Variants in WDPCP observed in about 807,000 individuals in gnomAD.
The protein encoded by WDPCP is WD repeat containing planar cell polarity effector, also known as WD repeat-containing and planar cell polarity effector protein fritz homolog.
In WDPCP, 71 loss-of-function variants were observed where a neutral mutation model predicts 93.1. The observed-to-expected ratio is 0.76, with a 90% confidence interval of 0.63 to 0.93. WDPCP has a LOEUF of 0.93. WDPCP is among the 40% of genes least tolerant of loss of function. The pLI is 0.00. For missense variants in WDPCP, 844 were observed against 887.4 expected (o/e 0.95, Z 0.62); for synonymous variants, 315 against 315.0 (o/e 1.00, Z 0.00).
In WDPCP at chr2:63,687,918, G is replaced by T. The variant is rs538525755; in HGVS notation, n.309-37080C>A. Among the ~76,000 whole-genome samples, 268 of 152,286 alleles carry T rather than the reference G, an allele frequency of 1.8e-3. 2 individuals are homozygous for T. Among genetic ancestry groups the T allele is most frequent in the African/African-American group, 6.0e-3 (249 of 41,556 alleles). ...TATTGCAGCACTATTCACAATAGCC[G>T]AGATTTTGGAAGCATCCCAAGTGTC... On this transcript the variant is annotated intron_variant and non_coding_transcript_variant, in intron 2 of 4. Transcript: ENST00000467687.
chr2:63,516,424 G>C (rs554965209), intron 1 of WDPCP, among the ~76,000 whole-genome samples: 6 of 152,122 alleles, frequency 3.9e-5, no homozygotes, highest in African/African-American at 1.2e-4. Flanking sequence ...TTAAAGTTCT[G>C]ACTACTTTGC....
chr2:63,178,555 C>G (rs1268316438), intron 14 of WDPCP, among the ~76,000 whole-genome samples: 1 of 151,822 alleles, frequency 6.6e-6, no homozygotes, highest in Non-Finnish European at 1.5e-5. Context: ...TGTAATATCC[C>G]CTCTTTCACT....
At chr2:63,788,282 T>C (rs1204001156) in intron 2 of WDPCP, among the ~76,000 whole-genome samples, 1 of 152,114 alleles carries the variant, frequency 6.6e-6, no homozygotes, top group Non-Finnish European at 1.5e-5. Context: ...AAATGAGCAA[T>C]ATGTCATTGG....
At chr2:63,265,950 CA>C (rs1263950205) in intron 13 of WDPCP, among the ~76,000 whole-genome samples, 2 of 152,030 alleles carry the variant, frequency 1.3e-5, no homozygotes, top group African/African-American at 4.8e-5. Flanking sequence ...AAGCACCTGA[CA>C]AAATTCAACA....
intron 2 of WDPCP, among the ~76,000 whole-genome samples, chr2:63,746,872 T>C (rs986780739): frequency 6.6e-6 from 1 of 152,124 alleles, no homozygotes; most frequent in Non-Finnish European, 1.5e-5. Flanking sequence ...TTGTGATCTT[T>C]TGTTGCCCTT....
intron 13 of WDPCP, among the ~76,000 whole-genome samples, chr2:63,272,166 T>C (rs1682713224): frequency 6.6e-6 from 1 of 152,180 alleles, no homozygotes; most frequent in Non-Finnish European, 1.5e-5. Flanking sequence ...ATTCCCATCC[T>C]CAGCAAAGCC....
At chr2:63,595,413 T>C in intron 3 of WDPCP, 1 of 1,554,544 alleles carries the variant, frequency 6.4e-7, no homozygotes, top group East Asian at 2.2e-5. Flanking sequence ...CTGTCCTTGC[T>C]ATTTGGTAGC....
chr2:63,431,408 T>C (rs971888451), intron 9 of WDPCP, among the ~76,000 whole-genome samples: 19 of 152,158 alleles, frequency 1.2e-4, no homozygotes, highest in African/African-American at 4.6e-4. Flanking sequence ...AGATGGTAAA[T>C]GCTTTTTAAA....
intron 1 of WDPCP, among the ~76,000 whole-genome samples, chr2:63,555,224 T>C (rs1706002950): frequency 6.6e-6 from 1 of 152,198 alleles, no homozygotes; most frequent in African/African-American, 2.4e-5. Context: ...TGTGGCAGAT[T>C]GTGGCCAGAC....
intron 2 of WDPCP, among the ~76,000 whole-genome samples, chr2:63,805,360 G>A (rs1205294380): frequency 6.6e-6 from 1 of 152,084 alleles, no homozygotes; most frequent in Admixed American, 6.5e-5. Flanking sequence ...AACTGTTTGT[G>A]GAATGAGGGT....
chr2:63,530,283 T>A (rs1266380604), intron 1 of WDPCP, among the ~76,000 whole-genome samples: 1 of 152,206 alleles, frequency 6.6e-6, no homozygotes, highest in Non-Finnish European at 1.5e-5. Flanking sequence ...GTTCTTTTCA[T>A]TGTGATGTTA....
At chr2:63,246,592 GA>G (rs1680294845) in intron 14 of WDPCP, among the ~76,000 whole-genome samples, 1 of 152,200 alleles carries the variant, frequency 6.6e-6, no homozygotes. Context: ...TGTTTAGCAT[GA>G]AGGATGCCAC....
chr2:63,497,111 C>CAAAAAAA (rs10667775), intron 1 of WDPCP, among the ~76,000 whole-genome samples: 49 of 72,328 alleles, frequency 6.8e-4, no homozygotes, highest in East Asian at 2.2e-3. Context: ...GACTCCATCT[C>CAAAAAAA]AAAAAAAAAA....
intron 3 of WDPCP, chr2:63,606,047 A>G (rs1558864281): frequency 6.3e-7 from 1 of 1,597,204 alleles, no homozygotes; most frequent in Non-Finnish European, 8.6e-7. Context: ...TTTTGGAGCT[A>G]TTTCCCTTCT....
chr2:63,290,883 A>G lies in WDPCP; in HGVS notation c.1812+22365T>C, dbSNP rs575029958. ...TTATCTCTCATCACTAGTTTTCAGT[A>G]ATTTGTCTATGCTGTGCCAAGATAT... On this transcript the variant is annotated intron_variant, in intron 13 of 17. Transcript: ENST00000272321. Among the ~76,000 whole-genome samples the G allele has an allele frequency of 6.6e-5, 10 of 152,242 alleles. No homozygotes were observed. In the East Asian group the frequency reaches 1.7e-3, roughly 26 times the overall value.
At chr2:63,448,946 G>A (rs1698047331) in intron 6 of WDPCP, among the ~76,000 whole-genome samples, 1 of 152,124 alleles carries the variant, frequency 6.6e-6, no homozygotes, top group Admixed American at 6.5e-5. Flanking sequence ...GTACAACACA[G>A]TGGCTAAAGT....
At chr2:63,323,510 G>A (rs1687284486) in intron 12 of WDPCP, among the ~76,000 whole-genome samples, 1 of 152,108 alleles carries the variant, frequency 6.6e-6, no homozygotes, top group Non-Finnish European at 1.5e-5. Context: ...CTCAGAAATT[G>A]TATCCTTCCT....
At chr2:63,645,002 T>G (rs1288884404) in intron 3 of WDPCP, among the ~76,000 whole-genome samples, 2 of 152,174 alleles carry the variant, frequency 1.3e-5, no homozygotes, top group Non-Finnish European at 2.9e-5. Context: ...TCAATTTCAC[T>G]TATTTCTGCC....
intron 14 of WDPCP, among the ~76,000 whole-genome samples, chr2:63,186,554 G>A (rs577633992): frequency 6.6e-5 from 10 of 152,312 alleles, no homozygotes; most frequent in Admixed American, 2.6e-4. Context: ...CTGGCCTCTC[G>A]CCATGTTAGC....
Sources: gnomAD v4.1 joint callset for allele counts (sites outside exome capture counted in the v4.1 genomes callset) on GRCh38, gnomAD v4.1.1 for gene constraint, MANE v1.5 for transcripts, NCBI Gene and HGNC (gene_info 2026-07-23, HGNC 2026-07-21) for gene names.